DLG2: variants seen among roughly 807,000 people sequenced by gnomAD.
DLG2 encodes disks large homolog 2.
In DLG2, 45 loss-of-function variants were observed where a neutral mutation model predicts 132.5. That is an observed-to-expected ratio of 0.34 (90% CI 0.27 to 0.44). The LOEUF (loss-of-function observed/expected upper bound fraction) is 0.44, where lower values mean the gene tolerates loss of function less well. Among genes scored for constraint, DLG2 ranks in the 20% least tolerant of loss-of-function variants. The pLI, the probability that DLG2 is intolerant of heterozygous loss-of-function variation, is 1.00. For missense variants in DLG2, 1,045 were observed against 1,196.9 expected (o/e 0.87, Z 1.87); for synonymous variants, 424 against 419.6 (o/e 1.01, Z -0.13).
chr11:84,818,070 G>C (rs1195350578), intron 6 of DLG2, among the ~76,000 whole-genome samples: 1 of 151,928 alleles, frequency 6.6e-6, no homozygotes, highest in East Asian at 1.9e-4. Context: ...AATCTTAACT[G>C]ATGCCTCACA....
chr11:85,295,432 C>A (rs1465911511), intron 3 of DLG2, among the ~76,000 whole-genome samples: 4 of 152,086 alleles, frequency 2.6e-5, no homozygotes, highest in Admixed American at 2.0e-4. Context: ...TTTAGTTGTA[C>A]TTTGTAAATG....
intron 3 of DLG2, among the ~76,000 whole-genome samples, chr11:85,318,457 A>G (rs1179163594): frequency 6.6e-6 from 1 of 151,812 alleles, no homozygotes; most frequent in Non-Finnish European, 1.5e-5. Flanking sequence ...AGGAAAGTAC[A>G]CTCTACGTTT....
At chr11:83,675,476 A>G (rs1423243578) in intron 18 of DLG2, among the ~76,000 whole-genome samples, 1 of 152,232 alleles carries the variant, frequency 6.6e-6, no homozygotes, top group Admixed American at 6.5e-5. Flanking sequence ...AGCAGGTTTA[A>G]TCAGAAGTAA....
intron 7 of DLG2, among the ~76,000 whole-genome samples, chr11:84,393,696 TTTTC>T (rs1374391390): frequency 6.6e-6 from 1 of 152,156 alleles, no homozygotes; most frequent in Non-Finnish European, 1.5e-5. Context: ...GTGTTTATTT[TTTTC>T]TTTCTTTTAG....
At chr11:85,341,282 C>A (rs536353718) in intron 3 of DLG2, among the ~76,000 whole-genome samples, 1 of 152,220 alleles carries the variant, frequency 6.6e-6, no homozygotes, top group African/African-American at 2.4e-5. Flanking sequence ...ACATGCCTGG[C>A]TAATTTTTTT....
At chr11:84,733,314 C>T (rs951651229) in intron 6 of DLG2, among the ~76,000 whole-genome samples, 1 of 152,112 alleles carries the variant, frequency 6.6e-6, no homozygotes, top group African/African-American at 2.4e-5. Context: ...TGTTTCCTGA[C>T]TTTTTAATGA....
intron 3 of DLG2, among the ~76,000 whole-genome samples, chr11:85,338,301 T>G (rs985366240): frequency 1.1e-4 from 16 of 152,136 alleles, no homozygotes; most frequent in Admixed American, 5.9e-4. Context: ...TCACAATAAA[T>G]TAAAAGGGAA....
At chr11:83,562,428 AC>A (rs886276274) in intron 19 of DLG2, among the ~76,000 whole-genome samples, 78 of 152,040 alleles carry the variant, frequency 5.1e-4, no homozygotes, top group African/African-American at 1.8e-3. Context: ...GGTACCATTT[AC>A]CCCTGACCAC....
chr11:85,141,995 TC>T (rs1321791266), intron 5 of DLG2, among the ~76,000 whole-genome samples: 1 of 151,946 alleles, frequency 6.6e-6, no homozygotes, highest in Non-Finnish European at 1.5e-5. Flanking sequence ...ATGCAATTCC[TC>T]CAGCTTTGTT....
At chr11:84,779,982 C>G (rs1051345812) in intron 6 of DLG2, among the ~76,000 whole-genome samples, 1 of 151,730 alleles carries the variant, frequency 6.6e-6, no homozygotes, top group South Asian at 2.1e-4. Flanking sequence ...TAATACCAAT[C>G]CTCCTAAAAT....
intron 3 of DLG2, among the ~76,000 whole-genome samples, chr11:85,547,013 A>G (rs1439386641): frequency 6.6e-6 from 1 of 151,962 alleles, no homozygotes; most frequent in African/African-American, 2.4e-5. Flanking sequence ...ATTTAAGGTT[A>G]ATATTGTTAT....
chr11:84,762,879 A>G (rs1018471450), intron 6 of DLG2, among the ~76,000 whole-genome samples: 2 of 152,176 alleles, frequency 1.3e-5, no homozygotes, highest in Admixed American at 1.3e-4. Context: ...ACATAATCCT[A>G]TGGGAGGAGG....
intron 6 of DLG2, among the ~76,000 whole-genome samples, chr11:84,772,076 A>G (rs1442046631): frequency 6.6e-6 from 1 of 152,170 alleles, no homozygotes; most frequent in Non-Finnish European, 1.5e-5. Flanking sequence ...TCTGTCATGC[A>G]AATGGAAAAC....
rs1453323294 is a variant in DLG2 at position 84,149,988 on chromosome 11, C to T, written c.624+13473G>A. On this transcript the variant is annotated intron_variant, in intron 9 of 27. Coordinates refer to ENST00000376104, the MANE Select transcript of DLG2 (RefSeq NM_001142699.3). ...GGTCAGGCTGGTCTCAAACTCCTAA[C>T]CTCGTGATCCACCCACCTTAGCCTC... Among the ~76,000 whole-genome samples, 3 of 152,118 alleles carry T rather than the reference C, an allele frequency of 2.0e-5. No homozygotes were observed. The East Asian group carries it at 5.8e-4, about 29-fold the overall frequency.
At chr11:83,640,445 A>G (rs1014348630) in intron 18 of DLG2, among the ~76,000 whole-genome samples, 4 of 152,206 alleles carry the variant, frequency 2.6e-5, no homozygotes, top group Admixed American at 2.0e-4. Context: ...AATGGTTTAC[A>G]TCTATTCTTA....
At chr11:85,493,466 G>A (rs1025041774) in intron 3 of DLG2, among the ~76,000 whole-genome samples, 1 of 152,106 alleles carries the variant, frequency 6.6e-6, no homozygotes, top group African/African-American at 2.4e-5. Context: ...TAGTATGCTT[G>A]TTTGCTAGAA....
intron 4 of DLG2, among the ~76,000 whole-genome samples, chr11:85,275,791 T>A (rs1436934172): frequency 6.6e-6 from 1 of 152,194 alleles, no homozygotes; most frequent in Non-Finnish European, 1.5e-5. Flanking sequence ...AGCTTAGTCC[T>A]GAGAAGATAT....
intron 7 of DLG2, among the ~76,000 whole-genome samples, chr11:84,336,422 C>G (rs182148519): frequency 4.6e-5 from 7 of 152,260 alleles, no homozygotes; most frequent in Admixed American, 4.6e-4. Flanking sequence ...TTCATGTTTG[C>G]TTGTCATGCC....
At chr11:83,654,637 G>A (rs1566326828) in intron 18 of DLG2, among the ~76,000 whole-genome samples, 1 of 152,106 alleles carries the variant, frequency 6.6e-6, no homozygotes, top group Admixed American at 6.5e-5. Flanking sequence ...TCTACTGGAG[G>A]ACACACTCTA....
Sources: gnomAD v4.1 joint callset for allele counts (sites outside exome capture counted in the v4.1 genomes callset) on GRCh38, gnomAD v4.1.1 for gene constraint, MANE v1.5 for transcripts, NCBI Gene and HGNC (gene_info 2026-07-23, HGNC 2026-07-21) for gene names.